Variants in PRDM2 observed in about 807,000 individuals in gnomAD.
PRDM2 encodes the protein PR/SET domain 2.
Under a neutral mutation model 130.0 loss-of-function variants are expected in PRDM2, and 30 were observed. That is an observed-to-expected ratio of 0.23 (90% CI 0.17 to 0.31). The LOEUF (loss-of-function observed/expected upper bound fraction) is 0.31. Ranked by LOEUF, PRDM2 falls within the 10% of genes least tolerant of loss-of-function variation. PRDM2 has a pLI of 1.00. For missense variants in PRDM2, 2,011 were observed against 2,108.4 expected (o/e 0.95, Z 0.90); for synonymous variants, 871 against 782.4 (o/e 1.11, Z -1.89).
At chr1:13,706,803 C>G (rs533431939) in intron 1 of PRDM2, among the ~76,000 whole-genome samples, 2 of 151,676 alleles carry the variant, frequency 1.3e-5, no homozygotes, top group Admixed American at 1.3e-4. Context: ...AAAAAGCTTG[C>G]ATGTATGTAG....
Position 13,778,641 on chromosome 1 carries a change from AGATGAT to A in PRDM2, c.858_863del (p.Asp286_Asp287del), listed in dbSNP as rs369010172. The A allele has an allele frequency of 4.6e-5, 72 of 1,549,132 alleles. No homozygotes were observed. Among genetic ancestry groups the A allele is most frequent in the Non-Finnish European group, 6.2e-5 (70 of 1,130,630 alleles). ...AGGAGGAGGATGAAGAAGAAGAAGA[AGATGAT>A]GATGATGATGAGTTGGAAGACGAGG... On this transcript the variant is annotated inframe_deletion, in exon 8 of 10. Transcript: ENST00000311066.
In PRDM2 at chr1:13,732,900, T is replaced by C. The variant is rs33969518; in HGVS notation, c.231+18T>C. 0.22 allele frequency: 314,991 copies of C among 1,425,276 alleles called. 37,064 individuals are homozygous for C. The highest frequency in any genetic ancestry group is 0.29 in the Admixed American group (13,468 of 47,184). 88.3% of individuals were successfully genotyped at this position (1,425,276 alleles called of 1,614,324 possible). On this transcript the variant is annotated intron_variant, in intron 4 of 9. Transcript: ENST00000311066. ...TGTGGGAGGTAAGAAGTAATTCTGATTCTTTGTTTTTCAGAGTTTTATGAA... is the reference window on the plus strand; with the variant it reads ...TGTGGGAGGTAAGAAGTAATTCTGACTCTTTGTTTTTCAGAGTTTTATGAA...
rs761142175 is a variant in PRDM2 at position 13,786,465 on chromosome 1, T to C, written c.5036+3634T>C. The C allele has an allele frequency of 4.4e-6, 7 of 1,596,382 alleles. No individual in the cohort carries two copies. In the Admixed American group the frequency reaches 6.7e-5, roughly 15 times the overall value. The stretch of plus-strand genomic sequence containing the variant: ...CCTTTTTCTTTAACATGGTCAATCA[T>C]GTAAGGTTATGTTCTGTTGTCATTT... On this transcript the variant is annotated intron_variant, in intron 8 of 9. Transcript: ENST00000311066.
chr1:13,736,170 G>A (rs1198525962), intron 4 of PRDM2, among the ~76,000 whole-genome samples: 1 of 148,548 alleles, frequency 6.7e-6, no homozygotes, highest in Non-Finnish European at 1.5e-5. Context: ...CTGAAATGCA[G>A]TGGCATGTTC....
At chr1:13,767,704 C>T (rs1004194587) in intron 6 of PRDM2, among the ~76,000 whole-genome samples, 8 of 152,080 alleles carry the variant, frequency 5.3e-5, no homozygotes, top group African/African-American at 1.4e-4. Context: ...TGCTGGATGC[C>T]GTGACTACAT....
chr1:13,724,144 C>T (rs569107253), intron 2 of PRDM2, among the ~76,000 whole-genome samples: 1 of 152,306 alleles, frequency 6.6e-6, no homozygotes, highest in South Asian at 2.1e-4. Context: ...TTTTGGTAAC[C>T]TCACCTTGCT....
At chr1:13,752,010 G>C (rs1448432449) in intron 6 of PRDM2, among the ~76,000 whole-genome samples, 1 of 121,984 alleles carries the variant, frequency 8.2e-6, no homozygotes, top group African/African-American at 3.2e-5. Context: ...AATGTTTATT[G>C]AGCCCCTGCT....
chr1:13,764,523 A>T (rs1421281230), intron 6 of PRDM2, among the ~76,000 whole-genome samples: 1 of 152,246 alleles, frequency 6.6e-6, no homozygotes, highest in East Asian at 1.9e-4. Flanking sequence ...TTGTTTGGGA[A>T]GCCCTTTCTT....
chr1:13,763,555 G>C (rs1644154289), intron 6 of PRDM2, among the ~76,000 whole-genome samples: 3 of 152,184 alleles, frequency 2.0e-5, no homozygotes, highest in South Asian at 2.1e-4. Context: ...AGAAACACTT[G>C]AGCAGTACTT....
intron 5 of PRDM2, 30 bp from the exon 6 acceptor site, chr1:13,749,331 G>A: frequency 6.9e-7 from 1 of 1,455,696 alleles, no homozygotes; most frequent in Non-Finnish European, 9.2e-7. Flanking sequence ...GCTCTGATTG[G>A]CCCGGCGCTT....
chr1:13,708,781 G>A (rs1208519356), intron 1 of PRDM2, among the ~76,000 whole-genome samples: 16 of 152,084 alleles, frequency 1.1e-4, no homozygotes, highest in Admixed American at 8.5e-4. Flanking sequence ...GAAATCCTTC[G>A]GTGGGTGAGA....
At chr1:13,775,042 C>T (rs758790908) in intron 7 of PRDM2, among the ~76,000 whole-genome samples, 53 of 152,076 alleles carry the variant, frequency 3.5e-4, no homozygotes, top group Admixed American at 5.2e-4. Flanking sequence ...AAAGTGGTGT[C>T]GTAGGCTTCC....
intron 1 of PRDM2, chr1:13,705,432 C>T (rs1339703552): frequency 2.0e-5 from 3 of 152,128 alleles, no homozygotes; most frequent in Non-Finnish European, 2.9e-5. Context: ...ACCTTCCCTC[C>T]ACTCTTACAG....
chr1:13,708,569 C>T (rs913411883), intron 1 of PRDM2, among the ~76,000 whole-genome samples: 1 of 152,130 alleles, frequency 6.6e-6, no homozygotes, highest in Non-Finnish European at 1.5e-5. Flanking sequence ...TTTCTCTGCT[C>T]TATGCATTCG....
chr1:13,789,977 C>T (rs751437941), intron 8 of PRDM2, among the ~76,000 whole-genome samples: 22 of 152,314 alleles, frequency 1.4e-4, no homozygotes, highest in African/African-American at 3.1e-4. Context: ...TGCTGTTGAG[C>T]GTATGTTCGA....
chr1:13,730,939 A>G, intron 2 of PRDM2, 61 bp from the exon 3 acceptor site: 23 of 1,298,392 alleles, frequency 1.8e-5, no homozygotes, highest in East Asian at 2.5e-5. Flanking sequence ...AGAAAAAAAA[A>G]AAAACCCATG....
At chr1:13,798,268 C>T (rs1270405957) in intron 8 of PRDM2, among the ~76,000 whole-genome samples, 1 of 152,218 alleles carries the variant, frequency 6.6e-6, no homozygotes, top group Non-Finnish European at 1.5e-5. Flanking sequence ...GTGACCCTAA[C>T]TCATGACCCT....
At chr1:13,758,223 C>T (rs867756295) in intron 6 of PRDM2, among the ~76,000 whole-genome samples, 8 of 151,920 alleles carry the variant, frequency 5.3e-5, no homozygotes, top group Admixed American at 2.6e-4. Context: ...GTGGGTGGAT[C>T]GCCTGAGGTC....
chr1:13,723,190 G>A (rs1642790630), intron 2 of PRDM2, among the ~76,000 whole-genome samples: 1 of 152,170 alleles, frequency 6.6e-6, no homozygotes, highest in African/African-American at 2.4e-5. Context: ...TCAAGTCCAA[G>A]TCCCTGTGTG....
Sources: allele counts gnomAD v4.1 joint callset (sites outside exome capture counted in the v4.1 genomes callset), GRCh38; gene constraint gnomAD v4.1.1; transcripts MANE v1.5; gene names NCBI Gene and HGNC (gene_info 2026-07-23, HGNC 2026-07-21).